FN3KRP: variants seen among roughly 807,000 people sequenced by gnomAD.
FN3KRP encodes the protein ketosamine-3-kinase.
FN3KRP carries 33 observed loss-of-function variants against 29.8 expected under a neutral mutation model. That is an observed-to-expected ratio of 1.11 (90% CI 0.84 to 1.48). The LOEUF (loss-of-function observed/expected upper bound fraction) is 1.48, where lower values mean the gene tolerates loss of function less well. Among genes scored for constraint, FN3KRP ranks in the 40% most tolerant of loss-of-function variants. The probability of loss-of-function intolerance (pLI) is 0.00; values close to 1 mark genes in which losing one functional copy is unlikely to be tolerated. For missense variants in FN3KRP, 430 were observed against 402.6 expected (o/e 1.07, Z -0.58); for synonymous variants, 157 against 155.2 (o/e 1.01, Z -0.09).
At chr17:82,726,755 G>C in intron 5 of FN3KRP, 78 bp from the exon 6 acceptor site, 4 of 1,490,646 alleles carry the variant, frequency 2.7e-6, no homozygotes, top group Non-Finnish European at 3.6e-6. Flanking sequence ...GCCTGGGCTG[G>C]GGGCGGTGGG....
At chr17:82,721,036 T>C (rs1384252325) in intron 3 of FN3KRP, 2 of 152,202 alleles carry the variant, frequency 1.3e-5, no homozygotes, top group East Asian at 1.9e-4. Flanking sequence ...GTTTAGTCCA[T>C]TGGGATTTTC....
At chr17:82,719,282 C>T (rs1367424388) in intron 2 of FN3KRP, among the ~76,000 whole-genome samples, 1 of 152,254 alleles carries the variant, frequency 6.6e-6, no homozygotes, top group African/African-American at 2.4e-5. Context: ...AGCTGGCTTT[C>T]TTTTCCACCA....
rs1051350167 is a variant in FN3KRP, at chr17:82,727,388, G to A, written c.*217G>A. ...GTAGACGGAGCCACACTACAGGCAG[G>A]GTATGAGCAGAGGGATGTATGGAGT... On this transcript the variant is annotated 3_prime_UTR_variant, in exon 6 of 6. Transcript: ENST00000269373. 3 of 515,896 alleles carry A rather than the reference G, an allele frequency of 5.8e-6. No homozygotes were observed. Among genetic ancestry groups the A allele is most frequent in the African/African-American group, 1.9e-5 (1 of 52,540 alleles). 32.0% of individuals were successfully genotyped at this position (515,896 alleles called of 1,614,324 possible). A position where few individuals can be genotyped will look rare whatever the true frequency, so the allele number is the denominator to read the frequency against.
chr17:82,722,715 T>G, intron 3 of FN3KRP, 89 bp from the exon 4 acceptor site: 1 of 1,310,640 alleles, frequency 7.6e-7, no homozygotes, highest in Non-Finnish European at 1.1e-6. Context: ...AGGAGCTCGC[T>G]GAGGTCGTGT....
chr17:82,724,258 C>T (rs2046821445), intron 4 of FN3KRP, among the ~76,000 whole-genome samples: 2 of 152,056 alleles, frequency 1.3e-5, no homozygotes, highest in African/African-American at 4.8e-5. Context: ...TGCACCACTG[C>T]ACTCCAGCTT....
chr17:82,718,789 T>G, intron 1 of FN3KRP, 117 bp from the exon 2 acceptor site: 1 of 1,318,878 alleles, frequency 7.6e-7, no homozygotes, highest in Non-Finnish European at 1.1e-6. Context: ...TATGGAATCC[T>G]CAGTCAGGAT....
chr17:82,720,245 T>C (rs760440439), intron 2 of FN3KRP, 27 bp from the exon 3 acceptor site: 1 of 1,592,238 alleles, frequency 6.3e-7, no homozygotes, highest in South Asian at 1.1e-5. Context: ...GTGTCATCTG[T>C]TTAGTTGCTG....
intron 1 of FN3KRP, among the ~76,000 whole-genome samples, chr17:82,718,147 TGTG>T (rs746325532): frequency 6.7e-6 from 1 of 150,146 alleles, no homozygotes; most frequent in Non-Finnish European, 1.5e-5. Flanking sequence ...CTGTATGTGT[TGTG>T]TGTGTGTTGT....
chr17:82,724,388 G>A lies in FN3KRP; in HGVS notation c.468+1502G>A, dbSNP rs551141164. ...TGGGAGGCCGAGGCGGGCAGATCAC[G>A]TGAGGTAGAGTTTGAGACCAGCCTG... On this transcript the variant is annotated intron_variant, in intron 4 of 5. Transcript: ENST00000269373. Among the ~76,000 whole-genome samples, 22 of 152,124 alleles carry A rather than the reference G, an allele frequency of 1.4e-4. No individual in the cohort carries two copies. In the South Asian group the frequency reaches 2.5e-3, roughly 17 times the overall value.
Position 82,727,064 on chromosome 17 carries a change from A to G in FN3KRP, c.823A>G (p.Lys275Glu), listed in dbSNP as rs775658303. The change falls in exon 6 of 6, where the codon AAG becomes GAG. Residue 275 changes from lysine to glutamate, a missense_variant. Lys to Glu is a moderately conservative substitution (Grantham distance 56). Coordinates refer to ENST00000269373, the MANE Select transcript of FN3KRP (RefSeq NM_024619.4). ...GKIPKAPGFE[K>E]RLQLYQLFHY... ...AATCCCCAAGGCCCCAGGATTCGAG[A>G]AGCGCCTTCAGTTGTATCAGCTCTT... is the stretch of plus-strand genomic sequence containing the variant. The G allele has an allele frequency of 6.2e-7, 1 of 1,614,060 alleles. No individual in the cohort carries two copies. Among genetic ancestry groups the G allele is most frequent in the South Asian group, 1.1e-5 (1 of 91,072 alleles).
Position 82,727,067 on chromosome 17 carries a change from C to G in FN3KRP, c.826C>G (p.Arg276Gly). The G allele has an allele frequency of 6.2e-7, 1 of 1,614,148 alleles. No individual in the cohort carries two copies. Among genetic ancestry groups the G allele is most frequent in the South Asian group, 1.1e-5 (1 of 91,088 alleles). Residue 276 changes from arginine to glycine, a missense_variant, in exon 6 of 6, where the codon CGC becomes GGC. Transcript: ENST00000269373. ...KIPKAPGFEK[R>G]LQLYQLFHYL... ...CCCCAAGGCCCCAGGATTCGAGAAG[C>G]GCCTTCAGTTGTATCAGCTCTTTCA...
rs986981194 is a variant in FN3KRP at position 82,722,898 on chromosome 17, G to A, written c.468+12G>A. On this transcript the variant is annotated intron_variant, in intron 4 of 5. Transcript: ENST00000269373. ...GATACCTCCCCCAGGTGAGTGCACG[G>A]CGTTTGCTTCTATTTCACAATCAGG... is the stretch of plus-strand genomic sequence containing the variant. The A allele has an allele frequency of 6.2e-7, 1 of 1,611,926 alleles. No homozygotes were observed. The highest frequency in any genetic ancestry group is 8.5e-7 in the Non-Finnish European group (1 of 1,178,310).
intron 1 of FN3KRP, 65 bp from the exon 2 acceptor site, chr17:82,718,841 A>G (rs199894583): frequency 1.7e-5 from 26 of 1,563,350 alleles, no homozygotes; most frequent in Admixed American, 3.4e-5. Flanking sequence ...AAACATATCT[A>G]CAGAACCTTC....
Position 82,716,814 on chromosome 17 carries a change from C to T in FN3KRP, c.59C>T (p.Ser20Leu), listed in dbSNP as rs770978856. The T allele has an allele frequency of 5.8e-6, 9 of 1,553,118 alleles. No homozygotes were observed. The South Asian group carries it at 9.5e-5, about 16-fold the overall frequency. ...AGCTCTGTCAGGGCCACGGGCCACT[C>T]GGGGGGCGGGTGCATCAGCCAGGGC... ...GCSSVRATGH[S>L]GGGCISQGRS... The change falls in exon 1 of 6, where the codon TCG (serine) becomes TTG (leucine). Residue 20 changes from serine (S) to leucine (L), a missense_variant. Coordinates refer to ENST00000269373, the MANE Select transcript of FN3KRP (RefSeq NM_024619.4).
chr17:82,727,431 TCA>T lies in FN3KRP; in HGVS notation c.*262_*263del, dbSNP rs58962659. The T allele has an allele frequency of 0.017, 5,902 of 351,580 alleles. 295 individuals carry two copies. Among genetic ancestry groups the T allele is most frequent in the African/African-American group, 0.11 (5,290 of 48,644 alleles). 21.8% of individuals were successfully genotyped at this position (351,580 alleles called of 1,614,324 possible). On this transcript the variant is annotated 3_prime_UTR_variant, in exon 6 of 6. Transcript: ENST00000269373. Reference sequence around the variant, plus strand: ...TATGGAGTGTGGGTGACTCTGAGCCTCACTGCTGCTGCAAGGTGGGGAAACTG... The same window carrying T: ...TATGGAGTGTGGGTGACTCTGAGCCTCTGCTGCTGCAAGGTGGGGAAACTG...
In FN3KRP at chr17:82,720,275, T is replaced by C. The variant is rs764259433; in HGVS notation, c.297T>C (p.His99=). ...TTGCTGTCGTTTGATTTGACAGTCATGCTGCAAAGCTTGGAGCCCAGCTGG... is the reference window on the plus strand; with the variant it reads ...TTGCTGTCGTTTGATTTGACAGTCACGCTGCAAAGCTTGGAGCCCAGCTGG... ...EHMDMRHLSS[H]AAKLGAQLAD... The change falls in exon 3 of 6, where the codon CAT becomes CAC. Residue 99 remains histidine (H), a synonymous_variant. Coordinates refer to ENST00000269373, the MANE Select transcript of FN3KRP (RefSeq NM_024619.4). 6.8e-6 allele frequency: 11 copies of C among 1,613,040 alleles called. No individual in the cohort carries two copies. Among genetic ancestry groups the C allele is most frequent in the Non-Finnish European group, 1.7e-6 (2 of 1,179,158 alleles).
intron 4 of FN3KRP, among the ~76,000 whole-genome samples, chr17:82,725,916 G>A (rs947728499): frequency 2.6e-5 from 4 of 152,180 alleles, no homozygotes; most frequent in South Asian, 2.1e-4. Context: ...GCCCACGCCC[G>A]CCCGTAATCC....
chr17:82,716,967 G>A, intron 1 of FN3KRP, 71 bp downstream of exon 1: 1 of 1,430,420 alleles, frequency 7.0e-7, no homozygotes, highest in Non-Finnish European at 9.4e-7. Context: ...TCGGCGCGGG[G>A]CGCGGCCTGG....
intron 4 of FN3KRP, among the ~76,000 whole-genome samples, chr17:82,723,664 C>T (rs2379357): frequency 0.63 from 95,661 of 151,790 alleles, 30,401 homozygotes; most frequent in South Asian, 0.75. Flanking sequence ...TACGCGTGTG[C>T]GCGCACATGT....
Sources: gnomAD v4.1 joint callset for allele counts (sites outside exome capture counted in the v4.1 genomes callset) on GRCh38, gnomAD v4.1.1 for gene constraint, MANE v1.5 for transcripts, NCBI Gene and HGNC (gene_info 2026-07-23, HGNC 2026-07-21) for gene names.